CDH18: variants seen among roughly 807,000 people sequenced by gnomAD.
CDH18 encodes the protein cadherin 18, also known as cadherin-18.
A neutral mutation model predicts 67.9 loss-of-function variants in CDH18; 31 were observed. The ratio of observed to expected loss-of-function variants is 0.46; its 90% CI spans 0.34 to 0.62. The LOEUF (loss-of-function observed/expected upper bound fraction) is 0.62. Among genes scored for constraint, CDH18 ranks in the 20% least tolerant of loss-of-function variants. The pLI is 0.01. For missense variants in CDH18, 890 were observed against 975.5 expected, an observed-to-expected ratio of 0.91 and a Z score of 1.17; for synonymous variants, 362 against 347.2, an observed-to-expected ratio of 1.04 and a Z score of -0.48.
At chr5:19,930,063 C>G (rs58985083) in intron 2 of CDH18, among the ~76,000 whole-genome samples, 4,600 of 152,022 alleles carry the variant, frequency 0.03, 236 homozygotes, top group East Asian at 0.22. Context: ...ATAAGTTAGG[C>G]AAATATTCAA....
intron 7 of CDH18, among the ~76,000 whole-genome samples, chr5:19,581,765 T>C (rs1743292556): frequency 6.6e-6 from 1 of 152,086 alleles, no homozygotes; most frequent in Admixed American, 6.6e-5. Context: ...ACATCATTAT[T>C]AATTTTTTGT....
chr5:20,086,197 A>C (rs1744934789), intron 2 of CDH18, among the ~76,000 whole-genome samples: 1 of 152,206 alleles, frequency 6.6e-6, no homozygotes, highest in African/African-American at 2.4e-5. Context: ...CCTTAAGACA[A>C]AGCCTAATCC....
chr5:20,415,264 G>A (rs1449788566), intron 1 of CDH18, among the ~76,000 whole-genome samples: 1 of 152,062 alleles, frequency 6.6e-6, no homozygotes, highest in African/African-American at 2.4e-5. Flanking sequence ...GTGTGTGCCT[G>A]GAAGCCCAGC....
chr5:20,108,487 A>AGCCC (rs1347849765), intron 2 of CDH18, among the ~76,000 whole-genome samples: 3 of 152,146 alleles, frequency 2.0e-5, no homozygotes, highest in Admixed American at 6.5e-5. Flanking sequence ...GACGCAATTT[A>AGCCC]GCCCATGACA....
chr5:20,308,356 G>A (rs555316766), intron 1 of CDH18, among the ~76,000 whole-genome samples: 10 of 151,736 alleles, frequency 6.6e-5, no homozygotes, highest in South Asian at 2.1e-4. Context: ...CAGCCTGGGC[G>A]ACACGGTGAA....
At chr5:20,037,572 T>G (rs934524940) in intron 2 of CDH18, among the ~76,000 whole-genome samples, 1 of 151,992 alleles carries the variant, frequency 6.6e-6, no homozygotes, top group African/African-American at 2.4e-5. Flanking sequence ...CCACACTATA[T>G]GGAAACTGAA....
intron 2 of CDH18, among the ~76,000 whole-genome samples, chr5:20,251,257 G>A (rs1743836761): frequency 6.6e-6 from 1 of 151,976 alleles, no homozygotes; most frequent in South Asian, 2.1e-4. Flanking sequence ...AATTTTTAAA[G>A]TTATGAATTT....
At chr5:19,554,561 A>AT (rs1738048528) in intron 8 of CDH18, among the ~76,000 whole-genome samples, 1 of 149,054 alleles carries the variant, frequency 6.7e-6, no homozygotes, top group Non-Finnish European at 1.5e-5. Context: ...AAAAAAAAAA[A>AT]CAATTTTTTT....
intron 2 of CDH18, among the ~76,000 whole-genome samples, chr5:19,839,543 T>A (rs1782042078): frequency 6.6e-6 from 1 of 152,154 alleles, no homozygotes; most frequent in Admixed American, 6.5e-5. Context: ...ACTCATCAAA[T>A]TTTGACAAAA....
chr5:20,317,121 A>T (rs1737541413), intron 1 of CDH18, among the ~76,000 whole-genome samples: 1 of 152,054 alleles, frequency 6.6e-6, no homozygotes, highest in Admixed American at 6.6e-5. Context: ...ATTATAAATC[A>T]ATTAAACTTT....
intron 2 of CDH18, among the ~76,000 whole-genome samples, chr5:19,874,514 CCTT>C (rs1786714457): frequency 6.6e-6 from 1 of 152,168 alleles, no homozygotes; most frequent in African/African-American, 2.4e-5. Context: ...AGTGAAATCT[CCTT>C]CTCGATCCTA....
intron 6 of CDH18, among the ~76,000 whole-genome samples, chr5:19,595,655 A>T (rs555226434): frequency 8.2e-4 from 125 of 152,312 alleles, no homozygotes; most frequent in Non-Finnish European, 1.6e-3. Context: ...AAACTTCTAA[A>T]GACAAAAATG....
intron 1 of CDH18, among the ~76,000 whole-genome samples, chr5:20,337,967 G>A (rs1424605715): frequency 1.3e-5 from 2 of 152,238 alleles, no homozygotes; most frequent in Admixed American, 6.5e-5. Context: ...ATGGATGGCA[G>A]TAGACAAAGA....
At chr5:20,526,198 C>T (rs773957056) in intron 1 of CDH18, among the ~76,000 whole-genome samples, 5 of 152,064 alleles carry the variant, frequency 3.3e-5, no homozygotes, top group African/African-American at 1.2e-4. Context: ...CCCTTTTCAC[C>T]AGGCAGGGCC....
chr5:20,199,957 G>T (rs1442928427), intron 2 of CDH18, among the ~76,000 whole-genome samples: 1 of 152,024 alleles, frequency 6.6e-6, no homozygotes, highest in Non-Finnish European at 1.5e-5. Context: ...ATTTCCTGAG[G>T]CCTCCCCGGC....
At chr5:20,037,381 C>T (rs181669308) in intron 2 of CDH18, among the ~76,000 whole-genome samples, 16 of 152,104 alleles carry the variant, frequency 1.1e-4, no homozygotes, top group African/African-American at 3.9e-4. Flanking sequence ...CAGAACTCTC[C>T]ACCCCAAATC....
intron 3 of CDH18, among the ~76,000 whole-genome samples, chr5:19,770,363 C>T (rs1057323178): frequency 3.3e-5 from 5 of 151,690 alleles, no homozygotes; most frequent in Admixed American, 1.3e-4. Flanking sequence ...TCAGGTCTCA[C>T]AAGAAAATTA....
chr5:19,672,363 T>G (rs1334257389), intron 5 of CDH18, among the ~76,000 whole-genome samples: 1 of 152,152 alleles, frequency 6.6e-6, no homozygotes. Context: ...CTGTGAGAAC[T>G]GACTTAAAGC....
At chr5:19,488,770 G>T (rs910682325) in intron 11 of CDH18, among the ~76,000 whole-genome samples, 5 of 152,156 alleles carry the variant, frequency 3.3e-5, no homozygotes, top group African/African-American at 1.2e-4. Context: ...AAAGCAAAAT[G>T]AACTAATATA....
Sources: gnomAD v4.1 joint callset for allele counts (sites outside exome capture counted in the v4.1 genomes callset) on GRCh38, gnomAD v4.1.1 for gene constraint, MANE v1.5 for transcripts, NCBI Gene and HGNC (gene_info 2026-07-23, HGNC 2026-07-21) for gene names.